The following ALB variants were observed in gnomAD, a reference collection of about 807,000 sequenced individuals.
The protein encoded by ALB is serum albumin.
ALB carries 37 observed loss-of-function variants against 74.5 expected under a neutral mutation model. The ratio of observed to expected loss-of-function variants is 0.50; its 90% confidence interval spans 0.38 to 0.65. The LOEUF is 0.65. Ranked by LOEUF, ALB falls within the 30% of genes least tolerant of loss-of-function variation. The pLI is 0.00. For synonymous variants in ALB, 249 were observed against 251.6 expected, an observed-to-expected ratio of 0.99 and a Z score of 0.10; for missense variants, 685 against 718.7, an observed-to-expected ratio of 0.95 and a Z score of 0.54.
chr4:73,419,319 A>G (rs1719089473), intron 12 of ALB, 188 bp from the exon 13 acceptor site: 1 of 626,868 alleles, frequency 1.6e-6, no homozygotes, highest in Non-Finnish European at 2.7e-6. Context: ...GGATTTTATT[A>G]TCCTCATCAT....
chr4:73,412,383 G>T (rs1718900859), intron 7 of ALB, among the ~76,000 whole-genome samples: 1 of 152,172 alleles, frequency 6.6e-6, no homozygotes, highest in African/African-American at 2.4e-5. Flanking sequence ...GGCTTAAACT[G>T]AAGTAGAACA....
chr4:73,412,142 A>G lies in ALB; in HGVS notation c.843+17A>G, dbSNP rs1332381358. 1 of 1,613,850 alleles carries G rather than the reference A, an allele frequency of 6.2e-7. No individual in the cohort carries two copies. Among genetic ancestry groups the G allele is most frequent in the Non-Finnish European group, 8.5e-7 (1 of 1,179,858 alleles). ...GATGACAGGGTAAAGAGTCGTCGATATGCTTTTTGGTAGCTTGCATGCTCA... is the reference window on the plus strand; with the variant it reads ...GATGACAGGGTAAAGAGTCGTCGATGTGCTTTTTGGTAGCTTGCATGCTCA... On this transcript the variant is annotated intron_variant, in intron 7 of 14. Transcript: ENST00000295897.
intron 3 of ALB, among the ~76,000 whole-genome samples, chr4:73,407,146 C>A (rs1001066991): frequency 6.6e-6 from 1 of 152,044 alleles, no homozygotes; most frequent in Non-Finnish European, 1.5e-5. Flanking sequence ...AACATGAGAT[C>A]TACCCTGTTA....
At chr4:73,411,681 T>C (rs1040429798) in intron 6 of ALB, among the ~76,000 whole-genome samples, 1 of 152,150 alleles carries the variant, frequency 6.6e-6, no homozygotes, top group African/African-American at 2.4e-5. Flanking sequence ...TGCTAACAAG[T>C]GATAAAGCCA....
At chr4:73,415,400 A>T (rs1274135722) in intron 9 of ALB, 1 of 484,656 alleles carries the variant, frequency 2.1e-6, no homozygotes, top group Non-Finnish European at 3.6e-6. Context: ...AAAAATTTTG[A>T]TCTTTTTTTC....
chr4:73,419,693 G>C, intron 13 of ALB, 54 bp downstream of exon 13: 1 of 1,599,824 alleles, frequency 6.3e-7, no homozygotes. Context: ...TGCATGTTTG[G>C]TTAGGCTAGG....
At chr4:73,405,752 G>A (rs1211335560) in intron 2 of ALB, among the ~76,000 whole-genome samples, 2 of 151,790 alleles carry the variant, frequency 1.3e-5, no homozygotes, top group Non-Finnish European at 2.9e-5. Context: ...CATCACGCCC[G>A]GCTAATCTTT....
At position 73,413,254 on chromosome 4, in the gene ALB, C is replaced by T. The variant is rs1718923927; in HGVS notation, c.844-166C>T. The T allele has an allele frequency of 7.3e-6, 5 of 681,566 alleles. No individual in the cohort carries two copies. The Admixed American group carries it at 1.1e-4, about 15-fold the overall frequency. The allele number at this position is 681,566 out of a possible 1,614,324, so 42.2% of individuals were successfully genotyped here. On this transcript the variant is annotated intron_variant, in intron 7 of 14. Coordinates refer to ENST00000295897, the MANE Select transcript of ALB (RefSeq NM_000477.7). Reference sequence around the variant, plus strand: ...AATTAAGTGGGAATGTTTTTGTAGTCCTATCTACATCTCCAGGTTTAGGAG... The same window carrying T: ...AATTAAGTGGGAATGTTTTTGTAGTTCTATCTACATCTCCAGGTTTAGGAG...
chr4:73,407,114 T>C (rs1718751572), intron 3 of ALB, among the ~76,000 whole-genome samples: 1 of 152,148 alleles, frequency 6.6e-6, no homozygotes, highest in Non-Finnish European at 1.5e-5. Context: ...ATTTATCTTA[T>C]TTTATTATAG....
In ALB at chr4:73,417,554, A is replaced by G; in HGVS notation, c.1313A>G (p.Lys438Arg). 1 of 1,614,112 alleles carries G rather than the reference A, an allele frequency of 6.2e-7. No homozygotes were observed. Among genetic ancestry groups the G allele is most frequent in the Non-Finnish European group, 8.5e-7 (1 of 1,179,994 alleles). ...AGGCTATTAGTTCGTTACACCAAGA[A>G]AGTACCCCAAGTGTCAACTCCAACT... ...QNALLVRYTKKVPQVSTPTLV... is the reference protein window; with the variant it reads ...QNALLVRYTKRVPQVSTPTLV... Residue 438 changes from lysine (K) to arginine (R), a missense_variant, in exon 11 of 15, where the codon AAA (lysine) becomes AGA (arginine). Physicochemically the swap from Lys to Arg is conservative, Grantham distance 26. Transcript: ENST00000295897.
intron 11 of ALB, 186 bp from the exon 12 acceptor site, chr4:73,417,902 G>T (rs1310538680): frequency 7.1e-6 from 5 of 706,676 alleles, no homozygotes; most frequent in Non-Finnish European, 4.8e-6. Context: ...AGGCTGGAGT[G>T]CAGTGGTGCC....
At chr4:73,404,789 G>T (rs1382930037) in intron 1 of ALB, 5 of 347,698 alleles carry the variant, frequency 1.4e-5, no homozygotes, top group Non-Finnish European at 2.6e-5. Context: ...AATAGAACTT[G>T]TATTTATATT....
Position 73,420,326 on chromosome 4 carries a change from C to A in ALB, c.*23+5C>A. ...TCACATTTAAAAGCATCTCAGGTAA[C>A]TATATTTTGAATTTTTTAAAAAAGT... On this transcript the variant is annotated splice_donor_5th_base_variant and intron_variant, in intron 14 of 14. Transcript: ENST00000295897. The A allele has an allele frequency of 6.3e-7, 1 of 1,587,982 alleles. No individual in the cohort carries two copies. The highest frequency in any genetic ancestry group is 8.6e-7 in the Non-Finnish European group (1 of 1,159,662).
chr4:73,417,791 G>T (rs1560859670), intron 11 of ALB, 122 bp downstream of exon 11: 3 of 899,542 alleles, frequency 3.3e-6, no homozygotes, highest in Non-Finnish European at 5.0e-6. Flanking sequence ...GTGTGCATGT[G>T]TGTGTGCATG....
intron 3 of ALB, among the ~76,000 whole-genome samples, 200 bp from the exon 4 acceptor site, chr4:73,408,394 G>C (rs893220603): frequency 2.6e-5 from 4 of 152,138 alleles, no homozygotes; most frequent in Non-Finnish European, 5.9e-5. Context: ...ATGAGTTATA[G>C]TGTGACAGTT....
At chr4:73,406,268 A>G (rs1718725839) in intron 2 of ALB, among the ~76,000 whole-genome samples, 1 of 152,174 alleles carries the variant, frequency 6.6e-6, no homozygotes, top group African/African-American at 2.4e-5. Context: ...CAAAAAAGAA[A>G]AAGGAAATCT....
chr4:73,406,890 G>A, intron 3 of ALB, 129 bp downstream of exon 3: 4 of 1,059,114 alleles, frequency 3.8e-6, no homozygotes, highest in Non-Finnish European at 5.4e-6. Flanking sequence ...CTAAAAAGTT[G>A]CTCATAGACT....
At chr4:73,406,849 T>A in intron 3 of ALB, 88 bp downstream of exon 3, 2 of 1,463,768 alleles carry the variant, frequency 1.4e-6, no homozygotes, top group Non-Finnish European at 1.9e-6. Context: ...TTTTCTCAAT[T>A]ATTATTAAGT....
intron 2 of ALB, among the ~76,000 whole-genome samples, chr4:73,405,776 G>C (rs1446403654): frequency 1.3e-5 from 2 of 151,984 alleles, no homozygotes; most frequent in African/African-American, 4.8e-5. Flanking sequence ...ATTTTTAGTA[G>C]AGATGGGGTT....
Sources: allele counts gnomAD v4.1 joint callset (sites outside exome capture counted in the v4.1 genomes callset), GRCh38; gene constraint gnomAD v4.1.1; transcripts MANE v1.5; gene names NCBI Gene and HGNC (gene_info 2026-07-23, HGNC 2026-07-21).